The following TRPS1 variants were observed in gnomAD, a reference collection of about 807,000 sequenced individuals.
The protein encoded by TRPS1 is transcriptional repressor GATA binding 1.
A neutral mutation model predicts 101.2 loss-of-function variants in TRPS1; 6 were observed. The ratio of observed to expected loss-of-function variants is 0.06; its 90% confidence interval spans 0.03 to 0.12. The LOEUF (loss-of-function observed/expected upper bound fraction) is 0.12, where lower values mean the gene tolerates loss of function less well. Ranked by LOEUF, TRPS1 falls within the 10% of genes least tolerant of loss-of-function variation. The probability of loss-of-function intolerance (pLI) is 1.00; values close to 1 mark genes in which losing one functional copy is unlikely to be tolerated. For missense variants in TRPS1, 1,363 were observed against 1,567.0 expected, an observed-to-expected ratio of 0.87 and a Z score of 2.20; for synonymous variants, 578 against 589.8, an observed-to-expected ratio of 0.98 and a Z score of 0.29.
intron 5 of TRPS1, among the ~76,000 whole-genome samples, chr8:115,457,426 GAGA>G (rs1283298637): frequency 6.6e-6 from 1 of 152,112 alleles, no homozygotes; most frequent in African/African-American, 2.4e-5. Context: ...CATAGAGATA[GAGA>G]AGAAGGGTGG....
intron 5 of TRPS1, among the ~76,000 whole-genome samples, chr8:115,518,119 C>CA (rs375671425): frequency 1 from 151,664 of 151,666 alleles, 75,831 homozygotes; most frequent in Middle Eastern, 1. Flanking sequence ...GCAACAGGCT[C>CA]AATGCACAGA....
At chr8:115,629,710 C>A (rs1311808417) in intron 1 of TRPS1, among the ~76,000 whole-genome samples, 4 of 151,878 alleles carry the variant, frequency 2.6e-5, no homozygotes, top group Non-Finnish European at 4.4e-5. Flanking sequence ...CAGGATTGCA[C>A]TGAGCCATCT....
intron 5 of TRPS1, among the ~76,000 whole-genome samples, chr8:115,537,727 T>C (rs1816356121): frequency 6.6e-6 from 1 of 152,250 alleles, no homozygotes; most frequent in African/African-American, 2.4e-5. Flanking sequence ...TTAAAAATTG[T>C]ATTTATTATT....
At chr8:115,456,386 CT>C (rs973690375) in intron 5 of TRPS1, among the ~76,000 whole-genome samples, 1 of 151,990 alleles carries the variant, frequency 6.6e-6, no homozygotes, top group Non-Finnish European at 1.5e-5. Flanking sequence ...TTTGACATTG[CT>C]TTTTTTCCTC....
In TRPS1 at chr8:115,656,873, C is replaced by T. The variant is rs570154407; in HGVS notation, c.-122+11672G>A. ...AACAAGGTTTCTGGAATAAGAAAAC[C>T]CCGAAAAGATAAAGTACTTCCTCTA... On this transcript the variant is annotated intron_variant, in intron 1 of 6. Coordinates refer to ENST00000395715, the MANE Select transcript of TRPS1 (RefSeq NM_014112.5). Among the ~76,000 whole-genome samples the T allele has an allele frequency of 4.5e-4, 68 of 151,768 alleles. No homozygotes were observed. The South Asian group carries it at 0.014, about 31-fold the overall frequency.
At position 115,418,891 on chromosome 8, in the gene TRPS1, A is replaced by G. The variant is rs1415976130; in HGVS notation, c.2701-439T>C. Among the ~76,000 whole-genome samples, 1 of 152,244 alleles carries G rather than the reference A, an allele frequency of 6.6e-6. No individual in the cohort carries two copies. Among genetic ancestry groups the G allele is most frequent in the Non-Finnish European group, 1.5e-5 (1 of 68,038 alleles). On this transcript the variant is annotated intron_variant, in intron 5 of 6. Transcript: ENST00000395715. The surrounding 1 kb of genome is among the most constrained non-coding windows in gnomAD (Gnocchi z 4.3). ...TTGGAATAAATGTAAATCATTTAAAATTAAACTTGATTTGTGTGTTTTTGT... is the reference window on the plus strand; with the variant it reads ...TTGGAATAAATGTAAATCATTTAAAGTTAAACTTGATTTGTGTGTTTTTGT...
chr8:115,517,909 A>G (rs1815756288), intron 5 of TRPS1, among the ~76,000 whole-genome samples: 1 of 151,738 alleles, frequency 6.6e-6, no homozygotes, highest in African/African-American at 2.4e-5. Context: ...ATTTGTGTTA[A>G]TTTTGACTAT....
rs567924812 is a variant in TRPS1, at chr8:115,500,714, C to T, written c.2701-82262G>A. Reference sequence around the variant, plus strand: ...CCTCCCGAGTAGCTGGGACTACAGGCGCCTGCCACCATGCCTGGCTAATTT... The same window carrying T: ...CCTCCCGAGTAGCTGGGACTACAGGTGCCTGCCACCATGCCTGGCTAATTT... On this transcript the variant is annotated intron_variant, in intron 5 of 6. Coordinates refer to ENST00000395715, the MANE Select transcript of TRPS1 (RefSeq NM_014112.5). Among the ~76,000 whole-genome samples, 8 of 152,060 alleles carry T rather than the reference C, an allele frequency of 5.3e-5. No homozygotes were observed. The South Asian group carries it at 1.7e-3, about 32-fold the overall frequency.
chr8:115,501,632 C>G (rs1179357817), intron 5 of TRPS1, among the ~76,000 whole-genome samples: 2 of 152,180 alleles, frequency 1.3e-5, no homozygotes. Flanking sequence ...ACAGAGTCCT[C>G]TAACCAAAAC....
intron 5 of TRPS1, among the ~76,000 whole-genome samples, chr8:115,510,065 C>T (rs1815544326): frequency 6.6e-6 from 1 of 151,956 alleles, no homozygotes; most frequent in Non-Finnish European, 1.5e-5. Context: ...TTTTACTTCC[C>T]TGACTCCAAT....
chr8:115,417,004 T>C (rs973005041), intron 6 of TRPS1, among the ~76,000 whole-genome samples: 5 of 152,212 alleles, frequency 3.3e-5, no homozygotes, highest in African/African-American at 1.2e-4. Flanking sequence ...TATTTCAATG[T>C]ATGGTTTTTT....
At chr8:115,447,775 C>T (rs1224025734) in intron 5 of TRPS1, among the ~76,000 whole-genome samples, 1 of 151,980 alleles carries the variant, frequency 6.6e-6, no homozygotes, top group Non-Finnish European at 1.5e-5. Context: ...TGATTAAATA[C>T]TTAAAAAAAC....
rs371642548 is a variant in TRPS1 at position 115,414,518 on chromosome 8, A to G, written c.3390T>C (p.Tyr1130=). ...GCGGATTCCCAGGAACGGAGAGCTT[A>G]TATTTACTCCAGAACCGCAGCCAAT... is the stretch of plus-strand genomic sequence containing the variant. ...EADWLRFWSK[Y]KLSVPGNPHY... is the part of the protein sequence containing the mutation. The change falls in exon 7 of 7, where the codon TAT becomes TAC. Residue 1130 remains tyrosine (Y), a synonymous_variant. Coordinates refer to ENST00000395715, the MANE Select transcript of TRPS1 (RefSeq NM_014112.5). This position sits in a 1 kb window ranked among gnomAD's most constrained non-coding sequence, Gnocchi z 4.8. 6.8e-6 allele frequency: 11 copies of G among 1,613,912 alleles called. No homozygotes were observed. Among genetic ancestry groups the G allele is most frequent in the Non-Finnish European group, 8.5e-6 (10 of 1,179,944 alleles).
At chr8:115,667,753 A>C in intron 1 of TRPS1, 1 of 1,345,094 alleles carries the variant, frequency 7.4e-7, no homozygotes. Flanking sequence ...AAAAAGTTTG[A>C]AGCCTGCATT....
chr8:115,484,423 C>T (rs969341802), intron 5 of TRPS1, among the ~76,000 whole-genome samples: 3 of 151,960 alleles, frequency 2.0e-5, no homozygotes, highest in Non-Finnish European at 4.4e-5. Context: ...TATCATGTCC[C>T]CATGATAGAA....
intron 5 of TRPS1, among the ~76,000 whole-genome samples, chr8:115,582,737 G>A (rs541935555): frequency 1.9e-4 from 29 of 152,106 alleles, no homozygotes; most frequent in Admixed American, 1.4e-3. Flanking sequence ...GAGCATCTCC[G>A]CTGAAGCCAA....
chr8:115,620,599 T>C (rs570715730), intron 2 of TRPS1, among the ~76,000 whole-genome samples: 9 of 152,268 alleles, frequency 5.9e-5, no homozygotes, highest in South Asian at 4.1e-4. Context: ...GGGATGTAAA[T>C]ATAGTTTCAA....
At chr8:115,594,716 ATAG>A (rs1206236193) in intron 4 of TRPS1, among the ~76,000 whole-genome samples, 3 of 151,960 alleles carry the variant, frequency 2.0e-5, no homozygotes, top group Non-Finnish European at 4.4e-5. Flanking sequence ...TTTATTCACA[ATAG>A]TAGTATTTCA....
At chr8:115,588,679 T>C (rs1817619960) in intron 4 of TRPS1, among the ~76,000 whole-genome samples, 1 of 152,218 alleles carries the variant, frequency 6.6e-6, no homozygotes, top group South Asian at 2.1e-4. Context: ...TGTATGGCTG[T>C]CTAAATAAAT....
Sources: allele counts gnomAD v4.1 joint callset (sites outside exome capture counted in the v4.1 genomes callset), GRCh38; gene constraint gnomAD v4.1.1; non-coding constraint Gnocchi (gnomAD v3.1); transcripts MANE v1.5; gene names NCBI Gene and HGNC (gene_info 2026-07-23, HGNC 2026-07-21).